The following TANGO6 variants were observed in gnomAD, a reference collection of about 807,000 sequenced individuals.
TANGO6 encodes the protein transport and Golgi organization protein 6 homolog.
TANGO6 carries 90 observed loss-of-function variants against 114.2 expected under a neutral mutation model. The ratio of observed to expected loss-of-function variants is 0.79; its 90% CI spans 0.66 to 0.94. TANGO6 has a LOEUF of 0.94. Ranked by LOEUF, TANGO6 falls within the 40% of genes least tolerant of loss-of-function variation. The pLI is 0.00. For missense variants in TANGO6, 1,274 were observed against 1,315.3 expected (o/e 0.97, Z 0.49); for synonymous variants, 477 against 509.8 (o/e 0.94, Z 0.87).
At chr16:68,992,755 C>T (rs1186664077) in intron 15 of TANGO6, among the ~76,000 whole-genome samples, 1 of 152,092 alleles carries the variant, frequency 6.6e-6, no homozygotes, top group Admixed American at 6.5e-5. Flanking sequence ...TCAAATCAAG[C>T]TTTGTATTCT....
intron 1 of TANGO6, among the ~76,000 whole-genome samples, chr16:68,854,338 A>G (rs2152153254): frequency 6.6e-6 from 1 of 152,242 alleles, no homozygotes; most frequent in East Asian, 1.9e-4. Flanking sequence ...CCTAGCTACT[A>G]GGGAGCTGAG....
At chr16:69,064,211 A>G (rs569065890) in intron 17 of TANGO6, among the ~76,000 whole-genome samples, 8 of 152,260 alleles carry the variant, frequency 5.3e-5, no homozygotes, top group Admixed American at 3.9e-4. Flanking sequence ...ATATTAGCAC[A>G]TAATACAAAC....
intron 1 of TANGO6, among the ~76,000 whole-genome samples, chr16:68,844,104 A>T (rs1961767986): frequency 6.6e-6 from 1 of 152,174 alleles, no homozygotes; most frequent in South Asian, 2.1e-4. Flanking sequence ...CGCAGGGGCC[A>T]GCATGGACCC....
intron 17 of TANGO6, among the ~76,000 whole-genome samples, chr16:69,041,174 C>T (rs968086491): frequency 6.6e-6 from 1 of 152,046 alleles, no homozygotes; most frequent in East Asian, 1.9e-4. Context: ...AGGCCAGGCT[C>T]GGTGGCTCAT....
chr16:68,897,126 C>T (rs929556614), intron 7 of TANGO6, among the ~76,000 whole-genome samples: 2 of 152,110 alleles, frequency 1.3e-5, no homozygotes, highest in Admixed American at 6.5e-5. Flanking sequence ...TGGTCTCGAA[C>T]TCCTGACCTC....
In TANGO6 at chr16:68,933,562, T is replaced by C. The variant is rs911109204; in HGVS notation, c.2701+3267T>C. Among the ~76,000 whole-genome samples, 13 of 152,340 alleles carry C rather than the reference T, an allele frequency of 8.5e-5. No individual in the cohort carries two copies. In the East Asian group the frequency reaches 1.9e-3, roughly 23 times the overall value. ...CCCTCCCAGCAGGTCTCAGGCCAGCTGTGGTAGCTGTGCTTCATGTGTTCC... is the reference window on the plus strand; with the variant it reads ...CCCTCCCAGCAGGTCTCAGGCCAGCCGTGGTAGCTGTGCTTCATGTGTTCC... On this transcript the variant is annotated intron_variant, in intron 14 of 17. Transcript: ENST00000261778.
intron 4 of TANGO6, 92 bp downstream of exon 4, chr16:68,867,312 A>G: frequency 6.6e-7 from 1 of 1,522,810 alleles, no homozygotes; most frequent in Non-Finnish European, 9.0e-7. Flanking sequence ...TTTACCTTTA[A>G]AACCTGACTG....
chr16:68,878,032 C>A, intron 5 of TANGO6, 86 bp from the exon 6 acceptor site: 1 of 1,175,134 alleles, frequency 8.5e-7, no homozygotes, highest in Non-Finnish European at 1.2e-6. Context: ...TATTTTTTGT[C>A]TTAAAGAAAT....
intron 4 of TANGO6, among the ~76,000 whole-genome samples, chr16:68,872,788 C>T (rs1468153576): frequency 7.2e-5 from 11 of 151,856 alleles, no homozygotes; most frequent in Admixed American, 7.2e-4. Context: ...CTTGCGCCTC[C>T]CATGTTCAAG....
In TANGO6 at chr16:69,044,898, A is replaced by G. The variant is rs149785808; in HGVS notation, c.3108+4477A>G. On this transcript the variant is annotated intron_variant, in intron 17 of 17. Coordinates refer to ENST00000261778, the MANE Select transcript of TANGO6 (RefSeq NM_024562.2). ...AGGCTGGGCGCAGTGCCTCATGCCT[A>G]TAATCCCAGCACTTTGTTTGGGAGG... Among the ~76,000 whole-genome samples the G allele has an allele frequency of 3.2e-3, 481 of 152,266 alleles. 4 individuals are homozygous for G. The highest frequency in any genetic ancestry group is 0.011 in the African/African-American group (466 of 41,560).
chr16:68,852,957 A>G lies in TANGO6; in HGVS notation c.95-6927A>G, dbSNP rs528009455. ...TGATCACATTTCTATCCATTTATCC[A>G]TGCATCAACTCATGTTTTCTCTTTT... On this transcript the variant is annotated intron_variant, in intron 1 of 17. Transcript: ENST00000261778. Among the ~76,000 whole-genome samples the G allele has an allele frequency of 2.6e-5, 4 of 152,344 alleles. No homozygotes were observed. The East Asian group carries it at 7.7e-4, about 29-fold the overall frequency.
chr16:68,843,989 C>T (rs1961765407), intron 1 of TANGO6, among the ~76,000 whole-genome samples: 1 of 152,148 alleles, frequency 6.6e-6, no homozygotes, highest in Non-Finnish European at 1.5e-5. Flanking sequence ...GCCGTTATTT[C>T]ATTCAGTGCT....
chr16:68,914,108 G>A (rs1056861046), intron 11 of TANGO6, among the ~76,000 whole-genome samples: 1 of 152,176 alleles, frequency 6.6e-6, no homozygotes, highest in Non-Finnish European at 1.5e-5. Context: ...AGGATTAAAT[G>A]TGTTAATACC....
At chr16:69,022,461 T>C (rs896631595) in intron 15 of TANGO6, among the ~76,000 whole-genome samples, 4 of 152,152 alleles carry the variant, frequency 2.6e-5, no homozygotes, top group Non-Finnish European at 4.4e-5. Flanking sequence ...CCCAGCACTT[T>C]GGGAGGCCAA....
chr16:69,075,809 C>T (rs1225583229), intron 17 of TANGO6, among the ~76,000 whole-genome samples: 17 of 150,020 alleles, frequency 1.1e-4, no homozygotes, highest in Admixed American at 1.1e-3. Context: ...CTGTGTTACC[C>T]GGACTGGAGT....
intron 1 of TANGO6, among the ~76,000 whole-genome samples, chr16:68,844,347 C>G (rs1254273585): frequency 6.6e-6 from 1 of 152,074 alleles, no homozygotes; most frequent in African/African-American, 2.4e-5. Flanking sequence ...TGTCCAAGAT[C>G]ACGTGGTCAA....
chr16:69,062,172 C>T (rs1156796530), intron 17 of TANGO6, among the ~76,000 whole-genome samples: 4 of 152,122 alleles, frequency 2.6e-5, no homozygotes, highest in Non-Finnish European at 5.9e-5. Flanking sequence ...TTATTCTGAC[C>T]GCCTGCCTTC....
chr16:69,047,845 A>T, intron 17 of TANGO6, among the ~76,000 whole-genome samples: 1 of 152,158 alleles, frequency 6.6e-6, no homozygotes, highest in East Asian at 1.9e-4. Context: ...TTTTATATTG[A>T]AACTCTTTCC....
intron 15 of TANGO6, among the ~76,000 whole-genome samples, chr16:68,987,611 T>C (rs8045519): frequency 0.03 from 4,575 of 152,300 alleles, 227 homozygotes; most frequent in African/African-American, 0.1. Flanking sequence ...TCAAGGGATC[T>C]GCCTACCTTG....
Sources: allele counts gnomAD v4.1 joint callset (sites outside exome capture counted in the v4.1 genomes callset), GRCh38; gene constraint gnomAD v4.1.1; transcripts MANE v1.5; gene names NCBI Gene and HGNC (gene_info 2026-07-23, HGNC 2026-07-21).